Variants in COL18A1 observed in about 807,000 individuals in gnomAD.
COL18A1 encodes collagen alpha-1(XVIII) chain.
In COL18A1, 133 loss-of-function variants were observed where a neutral mutation model predicts 168.0. The ratio of observed to expected loss-of-function variants is 0.79; its 90% CI spans 0.69 to 0.91. The LOEUF is 0.91. Ranked by LOEUF, COL18A1 falls within the 40% of genes least tolerant of loss-of-function variation. COL18A1 has a pLI of 0.00. For synonymous variants in COL18A1, 949 were observed against 809.0 expected (o/e 1.17, Z -2.94); for missense variants, 2,126 against 1,925.4 (o/e 1.10, Z -1.95).
rs2035911619 is a variant in COL18A1 at position 45,481,949 on chromosome 21, C to G, written c.1612-14C>G. The G allele has an allele frequency of 1.2e-6, 2 of 1,603,838 alleles. No homozygotes were observed. The highest frequency in any genetic ancestry group is 1.3e-5 in the African/African-American group (1 of 74,848). Reference sequence around the variant, plus strand: ...GAATGCCATCAAGACCCACTATGCTCTGCTCTCCCCCAGGGACCCCCAGGC... The same window carrying G: ...GAATGCCATCAAGACCCACTATGCTGTGCTCTCCCCCAGGGACCCCCAGGC... On this transcript the variant is annotated splice_polypyrimidine_tract_variant and intron_variant, in intron 13 of 41. Transcript: ENST00000651438.
intron 15 of COL18A1, among the ~76,000 whole-genome samples, chr21:45,484,355 T>C (rs1475645965): frequency 7.3e-6 from 1 of 136,550 alleles, no homozygotes; most frequent in African/African-American, 2.8e-5. Context: ...CCAGCATATG[T>C]GCGCACACAC....
In COL18A1 at chr21:45,480,693, C is replaced by T. The variant is rs763112781; in HGVS notation, c.1453-7C>T. On this transcript the variant is annotated splice_polypyrimidine_tract_variant and splice_region_variant and intron_variant, in intron 12 of 41. Coordinates refer to ENST00000651438, the MANE Select transcript of COL18A1 (RefSeq NM_001379500.1). The stretch of plus-strand genomic sequence containing the variant: ...GGCTGTGACTATCTGTGTTCGCCCA[C>T]GTCCAGGGTCCTCGAGGCTTCCCTG... The T allele has an allele frequency of 1.6e-5, 26 of 1,610,762 alleles. No individual in the cohort carries two copies. Among genetic ancestry groups the T allele is most frequent in the South Asian group, 2.2e-5 (2 of 91,094 alleles).
rs2035871867 is a variant in COL18A1, at chr21:45,480,978, A to ATCTCC, written c.1611+124_1611+128dup. The ATCTCC allele has an allele frequency of 2.1e-6, 3 of 1,403,940 alleles. No homozygotes were observed. In the Admixed American group the frequency reaches 6.0e-5, roughly 28 times the overall value. The allele number at this position is 1,403,940 out of a possible 1,614,324, so 87.0% of individuals were successfully genotyped here. ...TCCCCAGTCCCCGCCTCCTCACCTC[A>ATCTCC]TCTCCTCTAGGAGCTGGCGGGCAGT... is the stretch of plus-strand genomic sequence containing the variant. On this transcript the variant is annotated intron_variant, in intron 13 of 41. Coordinates refer to ENST00000651438, the MANE Select transcript of COL18A1 (RefSeq NM_001379500.1).
Position 45,461,484 on chromosome 21 carries a change from C to A in COL18A1, c.107-6758C>A, listed in dbSNP as rs557477042. ...CCTACCCCTTATCAGATGGCCTGCACCATTAGGGTGGACACCTGCTGGTCT... is the reference window on the plus strand; with the variant it reads ...CCTACCCCTTATCAGATGGCCTGCAACATTAGGGTGGACACCTGCTGGTCT... On this transcript the variant is annotated intron_variant, in intron 2 of 41. Transcript: ENST00000651438. 2.0e-5 allele frequency among the ~76,000 whole-genome samples: 3 copies of A among 152,286 alleles called. No individual in the cohort carries two copies. In the East Asian group the frequency reaches 5.8e-4, roughly 30 times the overall value.
chr21:45,442,755 G>T (rs1569291856), intron 2 of COL18A1, among the ~76,000 whole-genome samples: 1 of 101,650 alleles, frequency 9.8e-6, no homozygotes, highest in Admixed American at 9.0e-5. Flanking sequence ...GGCTGGTGTG[G>T]GCAGCGGTGC....
In COL18A1 at chr21:45,438,008, A is replaced by G. The variant is rs561235932; in HGVS notation, c.107-30234A>G. Among the ~76,000 whole-genome samples, 10 of 102,036 alleles carry G rather than the reference A, an allele frequency of 9.8e-5. No individual in the cohort carries two copies. In the South Asian group the frequency reaches 1.8e-3, roughly 18 times the overall value. The allele number at this position is 102,036 out of a possible 152,430, so 66.9% of individuals were successfully genotyped here. The stretch of plus-strand genomic sequence containing the variant: ...CTCAGACACACAGGCACTCTCCTGC[A>G]CACACACACTCACTCACACACAGAC... On this transcript the variant is annotated intron_variant, in intron 2 of 41. Coordinates refer to ENST00000651438, the MANE Select transcript of COL18A1 (RefSeq NM_001379500.1).
In COL18A1 at chr21:45,505,950, G is replaced by A. The variant is rs1403396185; in HGVS notation, c.3200G>A (p.Gly1067Glu). 3 of 1,613,260 alleles carry A rather than the reference G, an allele frequency of 1.9e-6. No homozygotes were observed. Among genetic ancestry groups the A allele is most frequent in the Admixed American group, 3.3e-5 (2 of 60,032 alleles). ...GAGCTCTACGTCCGCGTGCAGAACG[G>A]GTTCCGGAAGGTCCAGGTGAGCGCT... ...QEELYVRVQNGFRKVQLEART... is the reference protein window; with the variant it reads ...QEELYVRVQNEFRKVQLEART... The change falls in exon 37 of 42, where the codon GGG (glycine) becomes GAG (glutamate). Residue 1067 changes from glycine (G) to glutamate (E), a missense_variant. Transcript: ENST00000651438.
In COL18A1 at chr21:45,509,714, G is replaced by C. The variant is rs537705771; in HGVS notation, c.3495+113G>C. The C allele has an allele frequency of 5.3e-4, 402 of 755,938 alleles. No homozygotes were observed. In the African/African-American group the frequency reaches 6.4e-3, roughly 12 times the overall value. The allele number at this position is 755,938 out of a possible 1,614,324, so 46.8% of individuals were successfully genotyped here. ...GGGGTCCCAGGCTTCGGCCATGGGT[G>C]GGGGTCTGGCGGCTCAGGGCCACTC... On this transcript the variant is annotated intron_variant, in intron 39 of 41. Coordinates refer to ENST00000651438, the MANE Select transcript of COL18A1 (RefSeq NM_001379500.1).
chr21:45,422,097 TCA>T (rs917732426), intron 2 of COL18A1, among the ~76,000 whole-genome samples: 6 of 152,000 alleles, frequency 3.9e-5, no homozygotes, highest in South Asian at 4.2e-4. Flanking sequence ...ACACAAGCTC[TCA>T]CACACACACG....
intron 2 of COL18A1, among the ~76,000 whole-genome samples, chr21:45,419,317 T>G (rs2033549313): frequency 1.3e-5 from 2 of 151,660 alleles, no homozygotes; most frequent in Admixed American, 1.3e-4. Flanking sequence ...AGTGACGCAA[T>G]GCCGTGTAGT....
chr21:45,504,079 G>A (rs775399589), intron 33 of COL18A1, 25 bp downstream of exon 33: 16 of 1,613,096 alleles, frequency 9.9e-6, no homozygotes, highest in Non-Finnish European at 1.1e-5. Context: ...TGTGGGGTTG[G>A]GGGCCCCCAA....
chr21:45,411,072 C>CGG (rs369656200), intron 2 of COL18A1, among the ~76,000 whole-genome samples: 12 of 152,296 alleles, frequency 7.9e-5, no homozygotes, highest in African/African-American at 2.9e-4. Context: ...TGCAGCTGGG[C>CGG]GGGACATCTG....
intron 32 of COL18A1, among the ~76,000 whole-genome samples, chr21:45,503,628 G>A (rs952550194): frequency 2.5e-5 from 3 of 119,696 alleles, no homozygotes; most frequent in African/African-American, 9.6e-5. Flanking sequence ...ACACTCTGGG[G>A]ACTGTTGTGG....
rs1027280925 is a variant in COL18A1 at position 45,440,204 on chromosome 21, C to T, written c.107-28038C>T. On this transcript the variant is annotated intron_variant, in intron 2 of 41. Coordinates refer to ENST00000651438, the MANE Select transcript of COL18A1 (RefSeq NM_001379500.1). ...GCTCCGCACCAGCTCAGCTTCCTCA[C>T]CTGTGCACACAGGCTCCCGCTGGAA... 5.9e-5 allele frequency among the ~76,000 whole-genome samples: 9 copies of T among 152,240 alleles called. No homozygotes were observed. The East Asian group carries it at 1.5e-3, about 26-fold the overall frequency.
intron 4 of COL18A1, among the ~76,000 whole-genome samples, chr21:45,474,277 G>C (rs2035551031): frequency 6.6e-6 from 1 of 151,830 alleles, no homozygotes; most frequent in Non-Finnish European, 1.5e-5. Context: ...GTGTCTGTGT[G>C]GTGTGTCTCT....
intron 5 of COL18A1, 69 bp from the exon 6 acceptor site, chr21:45,476,266 TAAGTATTTCATTTCAC>T: frequency 6.3e-7 from 1 of 1,587,144 alleles, no homozygotes; most frequent in Non-Finnish European, 8.6e-7. Flanking sequence ...CTTGCGATCT[TAAGTATTTCATTTCAC>T]AAACCAAGCA....
chr21:45,412,851 G>T (rs1263890089), intron 2 of COL18A1, among the ~76,000 whole-genome samples: 1 of 152,236 alleles, frequency 6.6e-6, no homozygotes, highest in Non-Finnish European at 1.5e-5. Context: ...TGGCTAAACT[G>T]TCAGGAAGCC....
chr21:45,480,996 C>G (rs965964414), intron 13 of COL18A1, 138 bp downstream of exon 13: 2 of 1,321,780 alleles, frequency 1.5e-6, no homozygotes, highest in Admixed American at 2.0e-5. Flanking sequence ...TAGGAGCTGG[C>G]GGGCAGTTGC....
intron 2 of COL18A1, among the ~76,000 whole-genome samples, chr21:45,426,158 G>A (rs1049287031): frequency 6.6e-6 from 1 of 152,150 alleles, no homozygotes; most frequent in Non-Finnish European, 1.5e-5. Flanking sequence ...AGGGTGGACT[G>A]CAGTGGTGTA....
Sources: allele counts gnomAD v4.1 joint callset (sites outside exome capture counted in the v4.1 genomes callset), GRCh38; gene constraint gnomAD v4.1.1; transcripts MANE v1.5; gene names NCBI Gene and HGNC (gene_info 2026-07-23, HGNC 2026-07-21).